Variants in MYO18B observed in about 807,000 individuals in gnomAD.
MYO18B encodes the protein unconventional myosin-XVIIIb.
In MYO18B, 204 loss-of-function variants were observed where a neutral mutation model predicts 273.0. The observed-to-expected ratio is 0.75, with a 90% confidence interval of 0.67 to 0.84. The LOEUF (loss-of-function observed/expected upper bound fraction) is 0.84, where lower values mean the gene tolerates loss of function less well. Among genes scored for constraint, MYO18B ranks in the 40% least tolerant of loss-of-function variants. MYO18B has a pLI of 0.00. For synonymous variants in MYO18B, 1,330 were observed against 1,305.7 expected (o/e 1.02, Z -0.40); for missense variants, 3,212 against 3,287.6 (o/e 0.98, Z 0.56).
At chr22:25,827,290 A>G (rs1285874929) in intron 14 of MYO18B, among the ~76,000 whole-genome samples, 3 of 152,196 alleles carry the variant, frequency 2.0e-5, no homozygotes, top group Non-Finnish European at 2.9e-5. Context: ...TCATACCTTC[A>G]GTTCCCCTGA....
chr22:25,968,962 C>T (rs1204557199), intron 39 of MYO18B, among the ~76,000 whole-genome samples: 1 of 152,200 alleles, frequency 6.6e-6, no homozygotes, highest in Non-Finnish European at 1.5e-5. Flanking sequence ...AAGAGCAATG[C>T]ACAGAGTCAC....
intron 12 of MYO18B, among the ~76,000 whole-genome samples, chr22:25,810,478 G>A (rs1468386445): frequency 7.0e-6 from 1 of 142,350 alleles, no homozygotes; most frequent in Non-Finnish European, 1.5e-5. Flanking sequence ...GTGTCACCCA[G>A]GGTGGAGTGC....
intron 34 of MYO18B, among the ~76,000 whole-genome samples, chr22:25,940,090 C>T (rs1336298173): frequency 6.6e-6 from 1 of 152,206 alleles, no homozygotes; most frequent in Non-Finnish European, 1.5e-5. Context: ...CAGTCCTACT[C>T]AATGAACGCA....
intron 25 of MYO18B, among the ~76,000 whole-genome samples, chr22:25,885,148 C>T (rs1219482731): frequency 6.6e-6 from 1 of 152,162 alleles, no homozygotes; most frequent in Non-Finnish European, 1.5e-5. Context: ...GTGCCAGCTG[C>T]TGCGATAAGT....
At chr22:25,865,266 A>G (rs1220353416) in intron 21 of MYO18B, among the ~76,000 whole-genome samples, 1 of 152,218 alleles carries the variant, frequency 6.6e-6, no homozygotes, top group Admixed American at 6.5e-5. Flanking sequence ...CCACTGTTTG[A>G]ATCCAAGCTT....
intron 42 of MYO18B, among the ~76,000 whole-genome samples, chr22:26,007,522 T>G (rs1001022): frequency 6.6e-6 from 1 of 152,152 alleles, no homozygotes; most frequent in East Asian, 1.9e-4. Context: ...GTACTAAAAC[T>G]GCCTAAGGAT....
chr22:25,991,820 C>T (rs138617772), intron 39 of MYO18B, among the ~76,000 whole-genome samples: 2,599 of 152,302 alleles, frequency 0.017, 38 homozygotes, highest in Non-Finnish European at 0.027. Context: ...ATGCCCATCG[C>T]GCTTGCCTGT....
intron 11 of MYO18B, among the ~76,000 whole-genome samples, chr22:25,795,450 C>T (rs1320252683): frequency 1.3e-5 from 2 of 152,148 alleles, no homozygotes; most frequent in Non-Finnish European, 2.9e-5. Context: ...GAAGTTTTCT[C>T]ATTCTTCTCT....
intron 31 of MYO18B, among the ~76,000 whole-genome samples, chr22:25,906,884 G>T (rs2092056021): frequency 6.6e-6 from 1 of 152,164 alleles, no homozygotes; most frequent in East Asian, 1.9e-4. Flanking sequence ...ACCACCCCCT[G>T]TGATCCAATC....
intron 9 of MYO18B, among the ~76,000 whole-genome samples, chr22:25,780,901 CT>C (rs2087121408): frequency 6.6e-6 from 1 of 152,196 alleles, no homozygotes; most frequent in African/African-American, 2.4e-5. Flanking sequence ...AACACATGGC[CT>C]GTTTGTTCCT....
intron 39 of MYO18B, among the ~76,000 whole-genome samples, chr22:25,962,472 T>C (rs1342148539): frequency 5.9e-5 from 9 of 152,178 alleles, no homozygotes; most frequent in Admixed American, 5.9e-4. Context: ...ACAGAATGGC[T>C]CAAAAAAGTA....
chr22:25,966,435 G>A (rs968399452), intron 39 of MYO18B, among the ~76,000 whole-genome samples: 1 of 152,174 alleles, frequency 6.6e-6, no homozygotes, highest in African/African-American at 2.4e-5. Flanking sequence ...GCGTAAAGAT[G>A]AATTATTCTG....
rs758228335 is a variant in MYO18B at position 26,027,621 on chromosome 22, G to C, written c.7647G>C (p.Gly2549=). 5.6e-6 allele frequency: 9 copies of C among 1,613,894 alleles called. No homozygotes were observed. The highest frequency in any genetic ancestry group is 7.6e-6 in the Non-Finnish European group (9 of 1,179,864). Residue 2549 remains glycine (G), a synonymous_variant, in exon 43 of 44, where the codon GGG becomes GGC. Transcript: ENST00000335473. This position sits in a 1 kb window ranked among gnomAD's most constrained non-coding sequence, Gnocchi z 4.1. ...ERTSPERREP[G]TGRKDDDVAS... ...CGTCCCCCGAGCGGAGAGAGCCAGGGACGGGGAGGAAAGACGACGATGTTG... is the reference window on the plus strand; with the variant it reads ...CGTCCCCCGAGCGGAGAGAGCCAGGCACGGGGAGGAAAGACGACGATGTTG...
intron 21 of MYO18B, among the ~76,000 whole-genome samples, chr22:25,852,395 T>TG (rs2090450921): frequency 1.3e-5 from 2 of 150,644 alleles, no homozygotes; most frequent in African/African-American, 2.4e-5. Flanking sequence ...TTTGTTGAGT[T>TG]AATGAATGAA....
intron 42 of MYO18B, among the ~76,000 whole-genome samples, chr22:26,011,686 A>G (rs9306421): frequency 0.097 from 14,699 of 152,250 alleles, 850 homozygotes; most frequent in South Asian, 0.17. Flanking sequence ...TCAATGGCCA[A>G]TCTATCATCA....
intron 39 of MYO18B, among the ~76,000 whole-genome samples, chr22:25,982,339 G>T (rs554460535): frequency 3.9e-5 from 6 of 152,182 alleles, no homozygotes; most frequent in Non-Finnish European, 8.8e-5. Flanking sequence ...GCTTGGAAGG[G>T]GACCCTCCAG....
At chr22:26,006,841 A>G (rs1424718350) in intron 42 of MYO18B, among the ~76,000 whole-genome samples, 1 of 152,220 alleles carries the variant, frequency 6.6e-6, no homozygotes, top group Non-Finnish European at 1.5e-5. Context: ...TTTTATCAGC[A>G]GCAGTAACTA....
chr22:25,993,407 G>A (rs1932911496), intron 40 of MYO18B, among the ~76,000 whole-genome samples: 1 of 152,174 alleles, frequency 6.6e-6, no homozygotes, highest in Admixed American at 6.5e-5. Flanking sequence ...AGAATCTACA[G>A]GGTGGTTCCC....
chr22:25,850,302 C>T (rs906908474), intron 20 of MYO18B, among the ~76,000 whole-genome samples: 6 of 152,108 alleles, frequency 3.9e-5, no homozygotes, highest in African/African-American at 1.2e-4. Context: ...GTCTAAACCT[C>T]GAGACCTGGA....
Sources: allele counts gnomAD v4.1 joint callset (sites outside exome capture counted in the v4.1 genomes callset), GRCh38; gene constraint gnomAD v4.1.1; non-coding constraint Gnocchi (gnomAD v3.1); transcripts MANE v1.5; gene names NCBI Gene and HGNC (gene_info 2026-07-23, HGNC 2026-07-21).